SLC14A1: variants seen among roughly 807,000 people sequenced by gnomAD.
The protein encoded by SLC14A1 is solute carrier family 14 member 1 (Kidd blood group), also known as urea transporter 1.
A neutral mutation model predicts 39.6 loss-of-function variants in SLC14A1; 36 were observed. The ratio of observed to expected loss-of-function variants is 0.91; its 90% confidence interval spans 0.70 to 1.20. SLC14A1 has a LOEUF of 1.20. SLC14A1 is among the 50% of genes most tolerant of loss of function. The probability of loss-of-function intolerance (pLI) is 0.00; values close to 1 mark genes in which losing one functional copy is unlikely to be tolerated. For synonymous variants in SLC14A1, 164 were observed against 173.6 expected, an observed-to-expected ratio of 0.94 and a Z score of 0.43; for missense variants, 469 against 478.7, an observed-to-expected ratio of 0.98 and a Z score of 0.19.
intron 5 of SLC14A1, among the ~76,000 whole-genome samples, chr18:45,735,637 T>C (rs1023427755): frequency 6.6e-6 from 1 of 152,190 alleles, no homozygotes; most frequent in Admixed American, 6.5e-5. Flanking sequence ...TGCCCACCCT[T>C]ACTGTACCCA....
At chr18:45,726,612 C>A (rs1349231492) in intron 2 of SLC14A1, 2 of 151,612 alleles carry the variant, frequency 1.3e-5, no homozygotes, top group African/African-American at 4.9e-5. Context: ...CTGGACAATA[C>A]AATGAGACTT....
intron 6 of SLC14A1, among the ~76,000 whole-genome samples, chr18:45,738,009 A>C (rs1451825255): frequency 6.6e-6 from 1 of 152,220 alleles, no homozygotes; most frequent in African/African-American, 2.4e-5. Flanking sequence ...AAACAAAAAA[A>C]GCATATGCCA....
At chr18:45,742,010 A>G (rs1249297017) in intron 8 of SLC14A1, among the ~76,000 whole-genome samples, 1 of 152,230 alleles carries the variant, frequency 6.6e-6, no homozygotes, top group Non-Finnish European at 1.5e-5. Flanking sequence ...GGTCCCATGC[A>G]GTTCCTGCAC....
At chr18:45,745,692 A>G (rs755991440) in intron 8 of SLC14A1, among the ~76,000 whole-genome samples, 4 of 152,214 alleles carry the variant, frequency 2.6e-5, no homozygotes, top group Non-Finnish European at 4.4e-5. Context: ...GGGAATGCCA[A>G]TTTTGATTTC....
At chr18:45,726,471 GTTT>G (rs750459386) in intron 2 of SLC14A1, among the ~76,000 whole-genome samples, 5 of 152,164 alleles carry the variant, frequency 3.3e-5, no homozygotes, top group African/African-American at 4.8e-5. Context: ...ACTAAAAACT[GTTT>G]ATTATTAACA....
rs747045993 is a variant in SLC14A1 at position 45,751,075 on chromosome 18, C to T, written c.*1124C>T. ...AAATAAAGGGCTGAGTGCGGTGGCT[C>T]ACGCCTGTAATCCCAGCACTTTGGG... On this transcript the variant is annotated 3_prime_UTR_variant, in exon 10 of 10. Coordinates refer to ENST00000321925, the MANE Select transcript of SLC14A1 (RefSeq NM_015865.7). 3.7e-5 allele frequency: 36 copies of T among 966,416 alleles called. No individual in the cohort carries two copies. Among genetic ancestry groups the T allele is most frequent in the Non-Finnish European group, 4.3e-5 (35 of 812,544 alleles). The allele number at this position is 966,416 out of a possible 1,614,324, so 59.9% of individuals were successfully genotyped here.
At chr18:45,729,982 T>A (rs1012929273) in intron 2 of SLC14A1, 6 of 216,866 alleles carry the variant, frequency 2.8e-5, no homozygotes, top group Non-Finnish European at 5.5e-5. Flanking sequence ...TAACTGTTTT[T>A]CAGTCTTCTC....
chr18:45,750,751 A>G lies in SLC14A1; in HGVS notation c.*800A>G, dbSNP rs2047681218. On this transcript the variant is annotated 3_prime_UTR_variant, in exon 10 of 10. Transcript: ENST00000321925. ...GGCTTAACCTGTTCTTACATATTAAAGAAAAGTTACTTACTGTATTTATGA... is the reference window on the plus strand; with the variant it reads ...GGCTTAACCTGTTCTTACATATTAAGGAAAAGTTACTTACTGTATTTATGA... 1 of 985,168 alleles carries G rather than the reference A, an allele frequency of 1.0e-6. No homozygotes were observed. Among genetic ancestry groups the G allele is most frequent in the Non-Finnish European group, 1.2e-6 (1 of 829,678 alleles). The allele number at this position is 985,168 out of a possible 1,614,324, so 61.0% of individuals were successfully genotyped here.
At chr18:45,725,780 T>A (rs1037086193) in intron 2 of SLC14A1, among the ~76,000 whole-genome samples, 4 of 152,222 alleles carry the variant, frequency 2.6e-5, no homozygotes, top group African/African-American at 7.2e-5. Flanking sequence ...CCCACTCTGA[T>A]CCTTGGTTTT....
chr18:45,739,042 C>A lies in SLC14A1; in HGVS notation c.664-121C>A. ...GAGAGAATTTTAAATGGTATTAACA[C>A]TGTTCTTGAAAGAGGTAAGGTATGT... is the stretch of plus-strand genomic sequence containing the variant. On this transcript the variant is annotated intron_variant, in intron 6 of 9. Transcript: ENST00000321925. The A allele has an allele frequency of 2.9e-6, 3 of 1,035,866 alleles. No individual in the cohort carries two copies. In the Admixed American group the frequency reaches 5.1e-5, roughly 18 times the overall value. 64.2% of individuals were successfully genotyped at this position (1,035,866 alleles called of 1,614,324 possible).
chr18:45,727,238 T>C, intron 2 of SLC14A1: 1 of 1,550,444 alleles, frequency 6.4e-7, no homozygotes, highest in Non-Finnish European at 8.7e-7. Context: ...TTCACATATT[T>C]TTGCCCTTTG....
At chr18:45,745,128 A>G (rs2144841976) in intron 8 of SLC14A1, among the ~76,000 whole-genome samples, 1 of 152,356 alleles carries the variant, frequency 6.6e-6, no homozygotes, top group Non-Finnish European at 1.5e-5. Context: ...CTATAGTCCC[A>G]GCTACTCAGG....
chr18:45,744,896 C>G (rs1251567661), intron 8 of SLC14A1, among the ~76,000 whole-genome samples: 1 of 152,154 alleles, frequency 6.6e-6, no homozygotes, highest in Non-Finnish European at 1.5e-5. Flanking sequence ...TTCTTTGGCT[C>G]TGTCCATTGC....
intron 8 of SLC14A1, among the ~76,000 whole-genome samples, chr18:45,745,656 T>G (rs368734240): frequency 2.6e-5 from 4 of 152,196 alleles, no homozygotes; most frequent in African/African-American, 9.6e-5. Context: ...CACCTTCTTT[T>G]CAAGAAGCTA....
At chr18:45,739,781 T>TG in intron 8 of SLC14A1, 119 bp downstream of exon 8, 1 of 1,351,454 alleles carries the variant, frequency 7.4e-7, no homozygotes. Context: ...TGAGCCCACT[T>TG]GCTGTCTAAG....
Position 45,730,373 on chromosome 18 carries a change from G to A in SLC14A1, c.53G>A (p.Gly18Asp). 6.2e-7 allele frequency: 1 copy of A among 1,614,192 alleles called. No homozygotes were observed. Residue 18 changes from glycine (G) to aspartate (D), a missense_variant, in exon 3 of 10, where the codon GGT becomes GAT. By Grantham distance (94) the Gly-to-Asp change is moderately conservative. Transcript: ENST00000321925. ...GTGGACAGCCCCACTATGGTTAGGG[G>A]TGAAAACCAGGTTTCGCCATGTCAA... The part of the protein sequence containing the change: ...VRVDSPTMVR[G>D]ENQVSPCQGR...
At chr18:45,738,759 T>C (rs2047268775) in intron 6 of SLC14A1, among the ~76,000 whole-genome samples, 1 of 152,096 alleles carries the variant, frequency 6.6e-6, no homozygotes, top group African/African-American at 2.4e-5. Flanking sequence ...CCCTCAACAC[T>C]GATGGACATT....
intron 8 of SLC14A1, 103 bp downstream of exon 8, chr18:45,739,765 C>G: frequency 6.6e-7 from 1 of 1,508,276 alleles, no homozygotes; most frequent in Non-Finnish European, 9.1e-7. Flanking sequence ...GGCCAGGGTT[C>G]TGGCTTGAGC....
At chr18:45,745,168 G>A (rs189628783) in intron 8 of SLC14A1, among the ~76,000 whole-genome samples, 6 of 152,338 alleles carry the variant, frequency 3.9e-5, no homozygotes, top group Admixed American at 2.0e-4. Flanking sequence ...ACTTGAACTC[G>A]GAAGGCAGAG....
Sources: gnomAD v4.1 joint callset for allele counts (sites outside exome capture counted in the v4.1 genomes callset) on GRCh38, gnomAD v4.1.1 for gene constraint, MANE v1.5 for transcripts, NCBI Gene and HGNC (gene_info 2026-07-23, HGNC 2026-07-21) for gene names.